The following SV2C variants were observed in gnomAD, a reference collection of about 807,000 sequenced individuals.
The protein encoded by SV2C is synaptic vesicle glycoprotein 2C, also known as solute carrier family 22 member B3.
SV2C carries 49 observed loss-of-function variants against 79.7 expected under a neutral mutation model. The ratio of observed to expected loss-of-function variants is 0.61; its 90% CI spans 0.49 to 0.78. The LOEUF is 0.78. SV2C is among the 30% of genes least tolerant of loss of function. The probability of loss-of-function intolerance (pLI) is 0.00; values close to 1 mark genes in which losing one functional copy is unlikely to be tolerated. For synonymous variants in SV2C, 334 were observed against 333.2 expected, an observed-to-expected ratio of 1.00 and a Z score of -0.03; for missense variants, 833 against 912.9, an observed-to-expected ratio of 0.91 and a Z score of 1.13.
At chr5:75,956,180 A>C in the SV2C span, among the ~76,000 whole-genome samples, 520 of 144,052 alleles carry the variant, frequency 3.6e-3, 1 homozygote, top group African/African-American at 0.012. Context: ...GATTAAGAAA[A>C]TGTGGCACAT....
the SV2C span, among the ~76,000 whole-genome samples, chr5:76,066,795 T>TAAAA: frequency 2.5e-5 from 3 of 122,144 alleles, no homozygotes; most frequent in Admixed American, 1.6e-4. Flanking sequence ...AGGACCCTGT[T>TAAAA]AAAAAAAAAA....
At chr5:76,229,161 A>T (rs1745340012) in intron 4 of SV2C, among the ~76,000 whole-genome samples, 1 of 152,208 alleles carries the variant, frequency 6.6e-6, no homozygotes, top group Non-Finnish European at 1.5e-5. Flanking sequence ...ACCAACACCC[A>T]TCCTCCATCC....
the SV2C span, among the ~76,000 whole-genome samples, chr5:75,933,317 T>C: frequency 6.6e-6 from 1 of 152,364 alleles, no homozygotes; most frequent in African/African-American, 2.4e-5. Flanking sequence ...CTCACATGTT[T>C]AAGTTTGTCT....
the SV2C span, among the ~76,000 whole-genome samples, chr5:75,931,994 C>G: frequency 1.3e-5 from 2 of 152,184 alleles, no homozygotes; most frequent in Non-Finnish European, 2.9e-5. Flanking sequence ...CTGATCCAGG[C>G]TCCATACAGC....
At chr5:76,033,224 T>C in the SV2C span, among the ~76,000 whole-genome samples, 633 of 152,136 alleles carry the variant, frequency 4.2e-3, 4 homozygotes, top group African/African-American at 0.015. Context: ...GGTAGTTTCT[T>C]TTGCTGTGCA....
intron 2 of SV2C, among the ~76,000 whole-genome samples, chr5:76,135,542 C>T (rs941653165): frequency 3.9e-5 from 6 of 152,136 alleles, no homozygotes; most frequent in Admixed American, 6.6e-5. Flanking sequence ...AGCTTTCAGG[C>T]GCCGCAGTCT....
chr5:75,918,924 G>A, the SV2C span, among the ~76,000 whole-genome samples: 1 of 152,206 alleles, frequency 6.6e-6, no homozygotes, highest in African/African-American at 2.4e-5. Context: ...CGTATGTGAA[G>A]CGAGCTGTGA....
chr5:75,966,917 C>T, the SV2C span, among the ~76,000 whole-genome samples: 1 of 152,194 alleles, frequency 6.6e-6, no homozygotes, highest in South Asian at 2.1e-4. Context: ...CTGGTACTTA[C>T]TAATCACATG....
At chr5:76,185,232 G>C (rs1743875791) in intron 2 of SV2C, among the ~76,000 whole-genome samples, 1 of 152,198 alleles carries the variant, frequency 6.6e-6, no homozygotes, top group South Asian at 2.1e-4. Context: ...GCTTTGCAGG[G>C]TACAGTTGCT....
the SV2C span, among the ~76,000 whole-genome samples, chr5:75,982,753 C>T: frequency 2.6e-5 from 4 of 152,122 alleles, no homozygotes; most frequent in Non-Finnish European, 4.4e-5. Context: ...GAAAATGTGA[C>T]ACATATATAC....
At chr5:75,961,271 T>C in the SV2C span, among the ~76,000 whole-genome samples, 2 of 152,050 alleles carry the variant, frequency 1.3e-5, no homozygotes, top group Admixed American at 6.6e-5. Context: ...GGGCTGCTGC[T>C]GTTTGGATGA....
chr5:76,131,892 C>T lies in SV2C; in HGVS notation c.142C>T (p.Arg48Trp), dbSNP rs754439110. The T allele has an allele frequency of 8.6e-5, 139 of 1,613,878 alleles. No homozygotes were observed. The highest frequency in any genetic ancestry group is 1.1e-4 in the Non-Finnish European group (133 of 1,180,010). The change falls in exon 2 of 13, where the codon CGG (arginine) becomes TGG (tryptophan). Residue 48 changes from arginine (R) to tryptophan (W), a missense_variant. Arg to Trp is a moderately radical substitution (Grantham distance 101). Coordinates refer to ENST00000502798, the MANE Select transcript of SV2C (RefSeq NM_014979.4). ...QDEYTQRSYS[R>W]FQDEEDDDDY... is the part of the protein sequence containing the mutation. ...TGAATACACCCAGAGGTCCTACAGT[C>T]GGTTCCAAGATGAAGAAGATGATGA...
intron 1 of SV2C, among the ~76,000 whole-genome samples, chr5:76,087,314 T>G (rs1010257338): frequency 2.6e-5 from 4 of 152,248 alleles, no homozygotes; most frequent in Admixed American, 1.3e-4. Context: ...TTATGCTTGC[T>G]ACATCTTTTC....
chr5:76,133,954 A>G (rs1166461824), intron 2 of SV2C, among the ~76,000 whole-genome samples: 1 of 152,190 alleles, frequency 6.6e-6, no homozygotes, highest in Non-Finnish European at 1.5e-5. Flanking sequence ...AATTTAGAAT[A>G]AAAAATATTT....
At chr5:76,189,257 T>C (rs1001103271) in intron 2 of SV2C, among the ~76,000 whole-genome samples, 1 of 151,784 alleles carries the variant, frequency 6.6e-6, no homozygotes, top group South Asian at 2.1e-4. Context: ...CTTACACTGA[T>C]GTGTAAGCTT....
intron 2 of SV2C, among the ~76,000 whole-genome samples, chr5:76,152,320 A>G (rs1297313246): frequency 1.3e-5 from 2 of 152,352 alleles, no homozygotes; most frequent in South Asian, 2.1e-4. Context: ...AACGCTTCTA[A>G]TAACAAAAGT....
chr5:76,148,476 G>A (rs1356221489), intron 2 of SV2C, among the ~76,000 whole-genome samples: 2 of 152,072 alleles, frequency 1.3e-5, no homozygotes, highest in Admixed American at 1.3e-4. Flanking sequence ...TAGAGACAGT[G>A]TTTCACTGTG....
intron 2 of SV2C, among the ~76,000 whole-genome samples, chr5:76,164,400 G>A (rs76718128): frequency 1.7e-3 from 258 of 152,178 alleles, no homozygotes; most frequent in African/African-American, 5.2e-3. Context: ...AGAAATTTAC[G>A]AGCTCCACAA....
the SV2C span, among the ~76,000 whole-genome samples, chr5:76,063,168 TCTCC>T: frequency 1.3e-5 from 2 of 152,282 alleles, no homozygotes; most frequent in South Asian, 4.1e-4. Context: ...ATTGGACTCC[TCTCC>T]CTCCTGGGGC....
Sources: gnomAD v4.1 joint callset for allele counts (sites outside exome capture counted in the v4.1 genomes callset) on GRCh38, gnomAD v4.1.1 for gene constraint, MANE v1.5 for transcripts, NCBI Gene and HGNC (gene_info 2026-07-23, HGNC 2026-07-21) for gene names.